GALK2: variants seen among roughly 807,000 people sequenced by gnomAD.
The protein encoded by GALK2 is galactokinase 2.
In GALK2, 36 loss-of-function variants were observed where a neutral mutation model predicts 52.4. The observed-to-expected ratio is 0.69, with a 90% confidence interval of 0.53 to 0.91. The LOEUF is 0.91. Among genes scored for constraint, GALK2 ranks in the 40% least tolerant of loss-of-function variants. The pLI is 0.00. For missense variants in GALK2, 579 were observed against 559.1 expected (o/e 1.04, Z -0.36); for synonymous variants, 176 against 199.1 (o/e 0.88, Z 0.98).
chr15:49,247,666 T>C (rs1476856997), intron 5 of GALK2, among the ~76,000 whole-genome samples: 1 of 152,192 alleles, frequency 6.6e-6, no homozygotes, highest in Non-Finnish European at 1.5e-5. Flanking sequence ...TAAGAAAATG[T>C]TAAAGGAAGG....
intron 8 of GALK2, among the ~76,000 whole-genome samples, chr15:49,318,652 T>C (rs1348686482): frequency 6.6e-6 from 1 of 152,144 alleles, no homozygotes; most frequent in African/African-American, 2.4e-5. Context: ...TAGGTACATA[T>C]ATAAACATTA....
At chr15:49,288,632 A>T (rs2033627811) in intron 7 of GALK2, among the ~76,000 whole-genome samples, 1 of 152,062 alleles carries the variant, frequency 6.6e-6, no homozygotes, top group African/African-American at 2.4e-5. Context: ...CTCTGCCAAG[A>T]CTCTGGCATG....
chr15:49,295,333 C>CTCTCTA (rs1555427368), intron 8 of GALK2, among the ~76,000 whole-genome samples: 3 of 147,008 alleles, frequency 2.0e-5, no homozygotes, highest in Non-Finnish European at 4.5e-5. Flanking sequence ...CTCTCTCTAT[C>CTCTCTA]TATATATATA....
rs1208223819 is a variant in GALK2 at position 49,329,663 on chromosome 15, A to C, written c.*1504A>C. On this transcript the variant is annotated 3_prime_UTR_variant, in exon 10 of 10. Coordinates refer to ENST00000560031, the MANE Select transcript of GALK2 (RefSeq NM_002044.4). Reference sequence around the variant, plus strand: ...TGAGAAAGCTTGAGTCAAATTTGTTAAAAGAATTTTGAGTTCTATAAATCC... The same window carrying C: ...TGAGAAAGCTTGAGTCAAATTTGTTCAAAGAATTTTGAGTTCTATAAATCC... The C allele has an allele frequency of 1.0e-6, 1 of 984,110 alleles. No individual in the cohort carries two copies. Among genetic ancestry groups the C allele is most frequent in the Non-Finnish European group, 1.2e-6 (1 of 828,748 alleles). 61.0% of individuals were successfully genotyped at this position (984,110 alleles called of 1,614,324 possible).
At chr15:49,260,287 A>T (rs2092036704) in intron 5 of GALK2, among the ~76,000 whole-genome samples, 1 of 152,114 alleles carries the variant, frequency 6.6e-6, no homozygotes, top group African/African-American at 2.4e-5. Context: ...CTGGTGTGAG[A>T]TGGTATCTCA....
chr15:49,191,711 G>A (rs373916156), intron 1 of GALK2, among the ~76,000 whole-genome samples: 45 of 152,210 alleles, frequency 3.0e-4, no homozygotes, highest in African/African-American at 1.1e-3. Flanking sequence ...TTTCTCTTCT[G>A]TAACTTATAA....
intron 3 of GALK2, among the ~76,000 whole-genome samples, chr15:49,338,243 G>C (rs2040101014): frequency 1.3e-5 from 2 of 152,056 alleles, no homozygotes; most frequent in Non-Finnish European, 2.9e-5. Flanking sequence ...TTTACAATTT[G>C]GTATGTTTTT....
At chr15:49,227,658 C>CTT (rs941798511) in intron 3 of GALK2, among the ~76,000 whole-genome samples, 3 of 151,642 alleles carry the variant, frequency 2.0e-5, no homozygotes, top group African/African-American at 4.8e-5. Flanking sequence ...TATGGGAGGG[C>CTT]TTATTCCTGT....
intron 8 of GALK2, among the ~76,000 whole-genome samples, chr15:49,311,420 T>C (rs1211154441): frequency 6.6e-6 from 1 of 152,228 alleles, no homozygotes; most frequent in Non-Finnish European, 1.5e-5. Context: ...TTTTCTCTCC[T>C]GTTACATTCT....
At chr15:49,174,631 A>C (rs980388936) in intron 1 of GALK2, among the ~76,000 whole-genome samples, 7 of 152,230 alleles carry the variant, frequency 4.6e-5, no homozygotes, top group Non-Finnish European at 8.8e-5. Flanking sequence ...GGCATGAGCC[A>C]CAGCACTTGG....
At chr15:49,281,767 G>C (rs991183083) in intron 5 of GALK2, among the ~76,000 whole-genome samples, 2 of 152,168 alleles carry the variant, frequency 1.3e-5, no homozygotes, top group Non-Finnish European at 2.9e-5. Flanking sequence ...AGTGTGCACG[G>C]TCAATATCTT....
At chr15:49,270,875 C>G (rs535145913) in intron 5 of GALK2, among the ~76,000 whole-genome samples, 1 of 152,130 alleles carries the variant, frequency 6.6e-6, no homozygotes, top group Non-Finnish European at 1.5e-5. Context: ...GAATGCCCCT[C>G]TCTTCTTGTC....
intron 2 of GALK2, among the ~76,000 whole-genome samples, chr15:49,212,697 G>T (rs987222488): frequency 6.6e-6 from 1 of 151,922 alleles, no homozygotes. Flanking sequence ...TTGATCTGTT[G>T]TCTTTTCACT....
intron 8 of GALK2, among the ~76,000 whole-genome samples, chr15:49,317,830 G>A (rs2036543649): frequency 6.6e-6 from 1 of 152,080 alleles, no homozygotes; most frequent in Non-Finnish European, 1.5e-5. Context: ...AACACCACAT[G>A]TTCTCACTCA....
intron 5 of GALK2, among the ~76,000 whole-genome samples, chr15:49,268,800 A>G (rs2141677686): frequency 6.6e-6 from 1 of 152,266 alleles, no homozygotes; most frequent in Middle Eastern, 3.4e-3. Flanking sequence ...CTAGCAAATT[A>G]CCTTACCAAT....
At chr15:49,186,546 T>C (rs906329739) in intron 1 of GALK2, among the ~76,000 whole-genome samples, 11 of 149,002 alleles carry the variant, frequency 7.4e-5, no homozygotes, top group Non-Finnish European at 1.3e-4. Context: ...TTTTTTCTTT[T>C]TTTTTTTTTT....
At chr15:49,275,288 T>G (rs2031473700) in intron 5 of GALK2, among the ~76,000 whole-genome samples, 1 of 152,218 alleles carries the variant, frequency 6.6e-6, no homozygotes, top group African/African-American at 2.4e-5. Context: ...TGGGCAGCCT[T>G]CTGGGGCAGA....
intron 2 of GALK2, among the ~76,000 whole-genome samples, chr15:49,213,206 A>G (rs2089071949): frequency 6.6e-6 from 1 of 152,232 alleles, no homozygotes; most frequent in African/African-American, 2.4e-5. Flanking sequence ...CAATTGTTAT[A>G]TCCTGTTGCT....
At chr15:49,248,914 G>A (rs2091472852) in intron 5 of GALK2, among the ~76,000 whole-genome samples, 1 of 152,134 alleles carries the variant, frequency 6.6e-6, no homozygotes, top group Non-Finnish European at 1.5e-5. Context: ...GGTTTCAAAT[G>A]AAACCACTGT....
Sources: allele counts gnomAD v4.1 joint callset (sites outside exome capture counted in the v4.1 genomes callset), GRCh38; gene constraint gnomAD v4.1.1; transcripts MANE v1.5; gene names NCBI Gene and HGNC (gene_info 2026-07-23, HGNC 2026-07-21).